Variants in RIMKLB observed in about 807,000 individuals in gnomAD.
RIMKLB encodes the protein ribosomal modification protein rimK like family member B.
A neutral mutation model predicts 32.0 loss-of-function variants in RIMKLB; 7 were observed. That is an observed-to-expected ratio of 0.22 (90% CI 0.12 to 0.41). RIMKLB has a LOEUF of 0.41. Ranked by LOEUF, RIMKLB falls within the 10% of genes least tolerant of loss-of-function variation. RIMKLB has a pLI of 1.00. For missense variants in RIMKLB, 289 were observed against 498.7 expected (o/e 0.58, Z 4.00); for synonymous variants, 172 against 185.1 (o/e 0.93, Z 0.57).
At chr12:8,669,588 C>T in the RIMKLB span, among the ~76,000 whole-genome samples, 3 of 151,636 alleles carry the variant, frequency 2.0e-5, no homozygotes, top group African/African-American at 7.3e-5. Flanking sequence ...AAAGTAAGTA[C>T]AGTATGATTA....
intron 4 of RIMKLB, 24 bp from the exon 5 acceptor site, chr12:8,753,866 T>C: frequency 6.3e-7 from 1 of 1,588,708 alleles, no homozygotes; most frequent in South Asian, 1.1e-5. Flanking sequence ...ACTTAACATG[T>C]ATTTTTATTC....
At chr12:8,748,536 G>A (rs1226004995) in intron 2 of RIMKLB, among the ~76,000 whole-genome samples, 1 of 109,224 alleles carries the variant, frequency 9.2e-6, no homozygotes, top group Admixed American at 9.4e-5. Context: ...GTGTGTGTGT[G>A]TGTGTGTGTG....
Position 8,687,957 on chromosome 12 carries a change from A to G in RIMKLB, n.219+6139A>G, listed in dbSNP as rs778462544. On this transcript the variant is annotated intron_variant and non_coding_transcript_variant, in intron 1 of 1. Coordinates refer to the RIMKLB transcript ENST00000538758. ...GAACTGCAGGAAAAGGAGGGGAGTC[A>G]TTGCCAGGCAGCATGAGGGGAGGAG... is the stretch of plus-strand genomic sequence containing the variant. 9.9e-5 allele frequency among the ~76,000 whole-genome samples: 15 copies of G among 152,186 alleles called. No homozygotes were observed. In the South Asian group the frequency reaches 2.9e-3, roughly 29 times the overall value.
chr12:8,754,178 C>A, intron 5 of RIMKLB, 85 bp downstream of exon 5: 2 of 987,356 alleles, frequency 2.0e-6, no homozygotes, highest in Non-Finnish European at 3.2e-6. Context: ...TAACTCTAGA[C>A]CTTCTTAATA....
chr12:8,685,965 G>A (rs909506648), intron 1 of RIMKLB, among the ~76,000 whole-genome samples: 29 of 151,952 alleles, frequency 1.9e-4, no homozygotes, highest in African/African-American at 6.3e-4. Context: ...CCACCACCAC[G>A]CCCGGCTAAT....
intron 1 of RIMKLB, among the ~76,000 whole-genome samples, chr12:8,688,450 T>C (rs1025283377): frequency 6.6e-6 from 1 of 152,044 alleles, no homozygotes; most frequent in African/African-American, 2.4e-5. Flanking sequence ...AGATAAATAA[T>C]AGAAATTATT....
chr12:8,715,851 CCT>C (rs1325011866), intron 2 of RIMKLB, among the ~76,000 whole-genome samples: 1 of 152,120 alleles, frequency 6.6e-6, no homozygotes, highest in Admixed American at 6.5e-5. Context: ...ACTTTGAACC[CCT>C]CTCACATTTG....
chr12:8,678,336 C>CTTTT (rs1178690195), upstream of RIMKLB, among the ~76,000 whole-genome samples: 1 of 144,090 alleles, frequency 6.9e-6, no homozygotes, highest in Non-Finnish European at 1.5e-5. Flanking sequence ...TTTTTCTTTT[C>CTTTT]TTTTTTTTTT....
chr12:8,723,475 A>T (rs949791913), intron 2 of RIMKLB, among the ~76,000 whole-genome samples: 3 of 152,238 alleles, frequency 2.0e-5, no homozygotes, highest in African/African-American at 7.2e-5. Flanking sequence ...TGACACAAAG[A>T]CACAAAGTGA....
At chr12:8,745,645 C>T (rs544721396) in intron 2 of RIMKLB, among the ~76,000 whole-genome samples, 17 of 151,242 alleles carry the variant, frequency 1.1e-4, no homozygotes, top group African/African-American at 2.9e-4. Context: ...CCACCCTCCT[C>T]AGCCTCCCAA....
chr12:8,741,332 C>A (rs1274133379), intron 2 of RIMKLB, among the ~76,000 whole-genome samples: 1 of 141,348 alleles, frequency 7.1e-6, no homozygotes. Flanking sequence ...GAGCCGAGAT[C>A]GCACCACTGC....
rs181318454 is a variant in RIMKLB at position 8,766,265 on chromosome 12, T to G, written c.698-7056T>G. On this transcript the variant is annotated intron_variant, in intron 5 of 5. Transcript: ENST00000535829. ...TTATCGGATTAGTTACGCTCACTGA[T>G]GTAGCAGTCCTGCACCTGTTTTCCC... is the stretch of plus-strand genomic sequence containing the variant. Among the ~76,000 whole-genome samples the G allele has an allele frequency of 2.0e-5, 3 of 152,312 alleles. No individual in the cohort carries two copies. The East Asian group carries it at 5.8e-4, about 29-fold the overall frequency.
intron 2 of RIMKLB, among the ~76,000 whole-genome samples, chr12:8,719,500 C>T (rs1945225255): frequency 6.6e-6 from 1 of 152,068 alleles, no homozygotes; most frequent in South Asian, 2.1e-4. Context: ...TCCCAAGTAG[C>T]TGAGATTACA....
At chr12:8,753,581 A>G (rs1948790621) in intron 4 of RIMKLB, among the ~76,000 whole-genome samples, 1 of 152,222 alleles carries the variant, frequency 6.6e-6, no homozygotes, top group Non-Finnish European at 1.5e-5. Flanking sequence ...AAGATTTGCT[A>G]GTGAATAAGG....
chr12:8,712,475 A>G (rs997609095), intron 1 of RIMKLB, among the ~76,000 whole-genome samples: 2 of 152,234 alleles, frequency 1.3e-5, no homozygotes, highest in African/African-American at 4.8e-5. Context: ...ACCCTAGAGC[A>G]TCCGACATTA....
chr12:8,771,884 GTTTTGT>G (rs552143146), intron 5 of RIMKLB, among the ~76,000 whole-genome samples: 27 of 151,850 alleles, frequency 1.8e-4, no homozygotes, highest in Admixed American at 2.6e-4. Context: ...TTTTTGTTTT[GTTTTGT>G]TTTTGTTTTT....
In RIMKLB at chr12:8,775,292, C is replaced by G; in HGVS notation, c.*1508C>G. The stretch of plus-strand genomic sequence containing the variant: ...GTCTCTTATAGCCCTACTCTTAAGC[C>G]TTCAATACTGTCCACTCTTTATATT... On this transcript the variant is annotated 3_prime_UTR_variant, in exon 6 of 6. Transcript: ENST00000535829. 1.0e-6 allele frequency: 1 copy of G among 985,326 alleles called. No individual in the cohort carries two copies. Among genetic ancestry groups the G allele is most frequent in the Non-Finnish European group, 1.2e-6 (1 of 829,816 alleles). 61.0% of individuals were successfully genotyped at this position (985,326 alleles called of 1,614,324 possible). A position where few individuals can be genotyped will look rare whatever the true frequency, so the allele number is the denominator to read the frequency against.
In RIMKLB at chr12:8,773,550, T is replaced by C. The variant is rs768243069; in HGVS notation, c.927T>C (p.Ser309=). ...IADYAASLLP[S]GRLTRRMSLL... The stretch of plus-strand genomic sequence containing the variant: ...ACTATGCCGCCTCCCTTCTACCCTC[T>C]GGCCGGCTCACCCGGCGTATGTCCC... Residue 309 remains serine (S), a synonymous_variant, in exon 6 of 6, where the codon TCT becomes TCC. Transcript: ENST00000535829. The C allele has an allele frequency of 6.2e-7, 1 of 1,614,226 alleles. No individual in the cohort carries two copies. Among genetic ancestry groups the C allele is most frequent in the East Asian group, 2.2e-5 (1 of 44,886 alleles).
At chr12:8,771,938 G>GAC (rs1201079880) in intron 5 of RIMKLB, among the ~76,000 whole-genome samples, 6 of 152,096 alleles carry the variant, frequency 3.9e-5, no homozygotes, top group African/African-American at 1.4e-4. Context: ...GCCCAGGCTG[G>GAC]AGTGCAGTGG....
Sources: gnomAD v4.1 joint callset for allele counts (sites outside exome capture counted in the v4.1 genomes callset) on GRCh38, gnomAD v4.1.1 for gene constraint, MANE v1.5 for transcripts, NCBI Gene and HGNC (gene_info 2026-07-23, HGNC 2026-07-21) for gene names.